The following STMN2 variants were observed in gnomAD, a reference collection of about 807,000 sequenced individuals.
STMN2 encodes the protein stathmin-2.
STMN2 carries 2 observed loss-of-function variants against 24.1 expected under a neutral mutation model. That is an observed-to-expected ratio of 0.08 (90% CI 0.03 to 0.26). The LOEUF (loss-of-function observed/expected upper bound fraction) is 0.26. Among genes scored for constraint, STMN2 ranks in the 10% least tolerant of loss-of-function variants. The pLI is 1.00. For synonymous variants in STMN2, 83 were observed against 77.5 expected (o/e 1.07, Z -0.37); for missense variants, 114 against 213.6 (o/e 0.53, Z 2.91).
intron 1 of STMN2, among the ~76,000 whole-genome samples, chr8:79,631,766 T>G (rs1809806996): frequency 6.6e-6 from 1 of 152,208 alleles, no homozygotes; most frequent in Non-Finnish European, 1.5e-5. Flanking sequence ...AAAAAAATTA[T>G]CTGACCTTGA....
intron 1 of STMN2, among the ~76,000 whole-genome samples, chr8:79,635,029 TA>T (rs748124268): frequency 6.6e-6 from 1 of 152,220 alleles, no homozygotes; most frequent in South Asian, 2.1e-4. Flanking sequence ...CTTAATTTAT[TA>T]ATTTTACTAA....
At chr8:79,637,281 TA>T (rs772785661) in intron 2 of STMN2, among the ~76,000 whole-genome samples, 3 of 152,214 alleles carry the variant, frequency 2.0e-5, no homozygotes, top group Non-Finnish European at 1.5e-5. Flanking sequence ...TCAACAACCA[TA>T]ATTGTTTTTG....
At chr8:79,628,590 C>A (rs1347604703) in intron 1 of STMN2, among the ~76,000 whole-genome samples, 14 of 152,178 alleles carry the variant, frequency 9.2e-5, no homozygotes, top group Non-Finnish European at 7.3e-5. Context: ...TTTTTGAGAA[C>A]AGACATTTCA....
chr8:79,664,870 G>A lies in STMN2; in HGVS notation c.536G>A (p.Gly179Asp). 1 of 1,612,768 alleles carries A rather than the reference G, an allele frequency of 6.2e-7. No homozygotes were observed. The highest frequency in any genetic ancestry group is 8.5e-7 in the Non-Finnish European group (1 of 1,179,418). Residue 179 changes from glycine (G) to aspartate (D), a missense_variant, in exon 5 of 5, where the codon GGC (glycine) becomes GAC (aspartate). By Grantham distance (94) the Gly-to-Asp change is moderately conservative. Coordinates refer to ENST00000220876, the MANE Select transcript of STMN2 (RefSeq NM_007029.4). ...AAGGAACTCCAGGTTGAACTGTCTG[G>A]CTGAAGCAAGGGAGGGTCTGGCACG... ...RNKELQVELSG is the reference protein window; with the variant it reads ...RNKELQVELSD
intron 1 of STMN2, among the ~76,000 whole-genome samples, chr8:79,627,738 T>A (rs76090555): frequency 4.0e-5 from 6 of 151,832 alleles, no homozygotes; most frequent in Admixed American, 1.3e-4. Flanking sequence ...ATTCATTCTA[T>A]CTAAGACTTT....
intron 1 of STMN2, among the ~76,000 whole-genome samples, chr8:79,634,677 G>T (rs759296006): frequency 2.6e-5 from 4 of 152,164 alleles, no homozygotes; most frequent in Non-Finnish European, 4.4e-5. Flanking sequence ...CCTCTGTGGG[G>T]CTATATCCTC....
At chr8:79,648,363 C>T (rs1810260495) in intron 3 of STMN2, among the ~76,000 whole-genome samples, 1 of 151,520 alleles carries the variant, frequency 6.6e-6, no homozygotes, top group Non-Finnish European at 1.5e-5. Flanking sequence ...TTTCTGACCT[C>T]ACAGAGATTA....
intron 1 of STMN2, among the ~76,000 whole-genome samples, chr8:79,630,647 T>C (rs960914744): frequency 6.6e-6 from 1 of 152,212 alleles, no homozygotes; most frequent in African/African-American, 2.4e-5. Flanking sequence ...TTGAAATCAC[T>C]TGGGTGCTAC....
intron 1 of STMN2, among the ~76,000 whole-genome samples, chr8:79,612,323 G>A (rs1809258166): frequency 6.6e-6 from 1 of 152,230 alleles, no homozygotes; most frequent in Admixed American, 6.5e-5. Flanking sequence ...ATTACATAGA[G>A]TGTTTAGACA....
At chr8:79,653,666 T>C (rs1324152776) in intron 3 of STMN2, among the ~76,000 whole-genome samples, 1 of 152,234 alleles carries the variant, frequency 6.6e-6, no homozygotes, top group Non-Finnish European at 1.5e-5. Flanking sequence ...ACTAAAATGT[T>C]TTCCCACTAA....
At chr8:79,631,442 A>G (rs935517386) in intron 1 of STMN2, 1 of 985,014 alleles carries the variant, frequency 1.0e-6, no homozygotes, top group Admixed American at 6.1e-5. Flanking sequence ...AGATGGGTAG[A>G]ATCTAATTTT....
chr8:79,651,138 A>G (rs1810326104), intron 3 of STMN2, among the ~76,000 whole-genome samples: 1 of 152,172 alleles, frequency 6.6e-6, no homozygotes, highest in African/African-American at 2.4e-5. Context: ...TGGATATAAC[A>G]TTCCCTTCCA....
At chr8:79,647,902 C>T (rs1010314272) in intron 3 of STMN2, among the ~76,000 whole-genome samples, 2 of 152,194 alleles carry the variant, frequency 1.3e-5, no homozygotes, top group Non-Finnish European at 2.9e-5. Flanking sequence ...ATCATTTATT[C>T]ATTCATTCAA....
At chr8:79,630,725 C>T (rs1313602628) in intron 1 of STMN2, among the ~76,000 whole-genome samples, 7 of 152,146 alleles carry the variant, frequency 4.6e-5, no homozygotes, top group African/African-American at 1.4e-4. Flanking sequence ...TCAGGAGCAT[C>T]CCAGCTTAGA....
chr8:79,613,526 C>A, intron 1 of STMN2: 1 of 985,504 alleles, frequency 1.0e-6, no homozygotes, highest in Non-Finnish European at 1.2e-6. Context: ...GGCGATCTCG[C>A]CTCGCTTTCT....
At chr8:79,639,836 A>G (rs1192941135) in intron 2 of STMN2, among the ~76,000 whole-genome samples, 2 of 152,230 alleles carry the variant, frequency 1.3e-5, no homozygotes, top group Non-Finnish European at 1.5e-5. Context: ...GATGAGAACA[A>G]AAAATCTACT....
intron 4 of STMN2, among the ~76,000 whole-genome samples, chr8:79,662,196 G>A (rs1806516829): frequency 6.6e-6 from 1 of 152,052 alleles, no homozygotes; most frequent in Non-Finnish European, 1.5e-5. Context: ...AAAAGGCATA[G>A]CTGCATACAA....
intron 1 of STMN2, among the ~76,000 whole-genome samples, chr8:79,625,907 C>T (rs771210815): frequency 4.6e-5 from 7 of 151,960 alleles, no homozygotes; most frequent in Non-Finnish European, 1.0e-4. Context: ...TGCAGTGAGC[C>T]GAGATCATGC....
chr8:79,652,080 A>G (rs1810345030), intron 3 of STMN2, among the ~76,000 whole-genome samples: 1 of 152,238 alleles, frequency 6.6e-6, no homozygotes, highest in South Asian at 2.1e-4. Context: ...TAAGAAGAGC[A>G]TTACCTAACA....
Sources: gnomAD v4.1 joint callset for allele counts (sites outside exome capture counted in the v4.1 genomes callset) on GRCh38, gnomAD v4.1.1 for gene constraint, MANE v1.5 for transcripts, NCBI Gene and HGNC (gene_info 2026-07-23, HGNC 2026-07-21) for gene names.